Variants in LRRC8D observed in about 807,000 individuals in gnomAD.
LRRC8D encodes leucine rich repeat containing 8 VRAC subunit D, also known as volume-regulated anion channel subunit LRRC8D.
Under a neutral mutation model 55.8 loss-of-function variants are expected in LRRC8D, and 20 were observed. The observed-to-expected ratio is 0.36, with a 90% CI of 0.25 to 0.52. The LOEUF (loss-of-function observed/expected upper bound fraction) is 0.52. Among genes scored for constraint, LRRC8D ranks in the 20% least tolerant of loss-of-function variants. LRRC8D has a pLI of 0.93. For synonymous variants in LRRC8D, 352 were observed against 377.0 expected (o/e 0.93, Z 0.77); for missense variants, 651 against 1,030.8 (o/e 0.63, Z 5.05).
intron 2 of LRRC8D, among the ~76,000 whole-genome samples, chr1:89,908,201 G>A (rs1663043688): frequency 6.6e-6 from 1 of 152,174 alleles, no homozygotes; most frequent in Non-Finnish European, 1.5e-5. Context: ...AACTGGCAAA[G>A]CCACCTTATG....
intron 2 of LRRC8D, among the ~76,000 whole-genome samples, chr1:89,879,538 A>G (rs959270569): frequency 3.3e-5 from 5 of 152,234 alleles, no homozygotes; most frequent in Non-Finnish European, 5.9e-5. Context: ...AAGATATTAT[A>G]ACAAAAATAC....
rs79094904 is a variant in LRRC8D at position 89,907,097 on chromosome 1, T to C, written c.-2-25970T>C. On this transcript the variant is annotated intron_variant, in intron 2 of 2. Transcript: ENST00000337338. ...CATTTACTCATGCAGGAAGGCTATT[T>C]TCATGTATCACGTTCAGAACACAAA... Among the ~76,000 whole-genome samples the C allele has an allele frequency of 4.7e-3, 719 of 152,122 alleles. 13 individuals are homozygous for C. Among genetic ancestry groups the C allele is most frequent in the East Asian group, 0.037 (190 of 5,184 alleles).
At chr1:89,902,365 A>C (rs541796152) in intron 2 of LRRC8D, among the ~76,000 whole-genome samples, 1 of 152,264 alleles carries the variant, frequency 6.6e-6, no homozygotes, top group Admixed American at 6.5e-5. Flanking sequence ...GAGCTGCCCC[A>C]AACCAGTTTC....
intron 2 of LRRC8D, among the ~76,000 whole-genome samples, chr1:89,895,447 T>G (rs1382152060): frequency 1.3e-5 from 2 of 152,214 alleles, no homozygotes; most frequent in Non-Finnish European, 2.9e-5. Context: ...GAGTTAGCCC[T>G]GTGCAAACTC....
intron 2 of LRRC8D, among the ~76,000 whole-genome samples, chr1:89,848,013 T>C (rs1440513008): frequency 2.0e-5 from 3 of 152,212 alleles, no homozygotes; most frequent in South Asian, 4.1e-4. Flanking sequence ...GAAATGGTGA[T>C]GAAAAATGCA....
intron 2 of LRRC8D, among the ~76,000 whole-genome samples, chr1:89,925,864 T>C (rs975123007): frequency 6.6e-6 from 1 of 152,234 alleles, no homozygotes; most frequent in Non-Finnish European, 1.5e-5. Flanking sequence ...CTGGCTTTCT[T>C]CCTTATGGCC....
At chr1:89,854,302 G>T (rs1488810432) in intron 2 of LRRC8D, among the ~76,000 whole-genome samples, 1 of 152,176 alleles carries the variant, frequency 6.6e-6, no homozygotes, top group African/African-American at 2.4e-5. Context: ...GGAGCCCAGT[G>T]CTTTAGGATG....
At chr1:89,880,289 T>C (rs1662249877) in intron 2 of LRRC8D, among the ~76,000 whole-genome samples, 1 of 150,636 alleles carries the variant, frequency 6.6e-6, no homozygotes, top group Non-Finnish European at 1.5e-5. Context: ...AAAAGAAAAA[T>C]TTGACTTTCC....
At chr1:89,921,283 A>G (rs1475963950) in intron 2 of LRRC8D, among the ~76,000 whole-genome samples, 1 of 152,174 alleles carries the variant, frequency 6.6e-6, no homozygotes, top group Non-Finnish European at 1.5e-5. Context: ...GGCTGCAGTG[A>G]GCCAAGATCA....
At position 89,911,889 on chromosome 1, in the gene LRRC8D, C is replaced by T. The variant is rs865774832; in HGVS notation, c.-2-21178C>T. ...CAACATTCTCTTCATAGTTCTTGTC[C>T]TCTGACCCACCCTTCTTCCTCTCCT... On this transcript the variant is annotated intron_variant, in intron 2 of 2. Coordinates refer to ENST00000337338, the MANE Select transcript of LRRC8D (RefSeq NM_001134479.2). This position sits in a 1 kb window ranked among gnomAD's most constrained non-coding sequence, Gnocchi z 4.0. 5.3e-5 allele frequency among the ~76,000 whole-genome samples: 8 copies of T among 152,118 alleles called. No homozygotes were observed. Among genetic ancestry groups the T allele is most frequent in the African/African-American group, 1.7e-4 (7 of 41,428 alleles).
chr1:89,930,066 C>T lies in LRRC8D; in HGVS notation c.-2-3001C>T, dbSNP rs140761992. 1.9e-3 allele frequency among the ~76,000 whole-genome samples: 284 copies of T among 152,318 alleles called. 2 individuals carry two copies. The highest frequency in any genetic ancestry group is 6.4e-3 in the African/African-American group (268 of 41,568). ...AAGATGAAACAGTTTCATCCCAAAA[C>T]CATCTCTCCCCCCAACCCCCATTTC... is the stretch of plus-strand genomic sequence containing the variant. On this transcript the variant is annotated intron_variant, in intron 2 of 2. Coordinates refer to ENST00000337338, the MANE Select transcript of LRRC8D (RefSeq NM_001134479.2).
At chr1:89,869,649 CAT>C (rs1418648560) in intron 2 of LRRC8D, among the ~76,000 whole-genome samples, 1 of 152,108 alleles carries the variant, frequency 6.6e-6, no homozygotes, top group Non-Finnish European at 1.5e-5. Context: ...CCACAAGACA[CAT>C]AATCATCAGA....
At chr1:89,876,958 G>A (rs1438624701) in intron 2 of LRRC8D, among the ~76,000 whole-genome samples, 2 of 152,234 alleles carry the variant, frequency 1.3e-5, no homozygotes, top group Admixed American at 1.3e-4. Context: ...TGTGGAAAAT[G>A]TGACCAGGTA....
chr1:89,923,091 C>T (rs1663464753), intron 2 of LRRC8D, among the ~76,000 whole-genome samples: 2 of 152,142 alleles, frequency 1.3e-5, no homozygotes, highest in Non-Finnish European at 1.5e-5. Flanking sequence ...TTTGTTCAAC[C>T]AAAGTCCAAT....
At chr1:89,855,033 T>G (rs568248145) in intron 2 of LRRC8D, among the ~76,000 whole-genome samples, 2 of 152,348 alleles carry the variant, frequency 1.3e-5, no homozygotes, top group South Asian at 4.1e-4. Context: ...GGTGATGCTC[T>G]TTGCATTCAT....
At chr1:89,888,341 G>A (rs1662475829) in intron 2 of LRRC8D, among the ~76,000 whole-genome samples, 1 of 152,202 alleles carries the variant, frequency 6.6e-6, no homozygotes, top group Non-Finnish European at 1.5e-5. Flanking sequence ...GATGATGAGG[G>A]CCTTGGTTTC....
Position 89,935,835 on chromosome 1 carries a change from A to C in LRRC8D, c.*190A>C. ...ATGTTTGTAGGGTTTTAAGTCATTC[A>C]TTTCCAAATCATTTTTTTTTTTCTT... On this transcript the variant is annotated 3_prime_UTR_variant, in exon 3 of 3. Coordinates refer to ENST00000337338, the MANE Select transcript of LRRC8D (RefSeq NM_001134479.2). The C allele has an allele frequency of 2.1e-6, 1 of 469,072 alleles. No homozygotes were observed. The highest frequency in any genetic ancestry group is 4.0e-5 in the Admixed American group (1 of 25,150). 29.1% of individuals were successfully genotyped at this position (469,072 alleles called of 1,614,324 possible).
chr1:89,858,034 G>T (rs1056321253), intron 2 of LRRC8D, among the ~76,000 whole-genome samples: 2 of 152,112 alleles, frequency 1.3e-5, no homozygotes, highest in Non-Finnish European at 2.9e-5. Flanking sequence ...TTCGAGACCA[G>T]CCTGGCCAAC....
intron 2 of LRRC8D, among the ~76,000 whole-genome samples, chr1:89,888,256 A>C (rs1297546067): frequency 3.3e-5 from 5 of 152,206 alleles, no homozygotes. Flanking sequence ...GTTGTTTCCC[A>C]TGAGGATATA....
Sources: allele counts gnomAD v4.1 joint callset (sites outside exome capture counted in the v4.1 genomes callset), GRCh38; gene constraint gnomAD v4.1.1; non-coding constraint Gnocchi (gnomAD v3.1); transcripts MANE v1.5; gene names NCBI Gene and HGNC (gene_info 2026-07-23, HGNC 2026-07-21).